FGFR2: variants seen among roughly 807,000 people sequenced by gnomAD.
The protein encoded by FGFR2 is fibroblast growth factor receptor 2.
Under a neutral mutation model 95.9 loss-of-function variants are expected in FGFR2, and 19 were observed. The ratio of observed to expected loss-of-function variants is 0.20; its 90% CI spans 0.14 to 0.29. The LOEUF (loss-of-function observed/expected upper bound fraction) is 0.29, where lower values mean the gene tolerates loss of function less well. Among genes scored for constraint, FGFR2 ranks in the 10% least tolerant of loss-of-function variants. FGFR2 has a pLI of 1.00. For synonymous variants in FGFR2, 392 were observed against 393.3 expected, an observed-to-expected ratio of 1.00 and a Z score of 0.04; for missense variants, 707 against 1,056.9, an observed-to-expected ratio of 0.67 and a Z score of 4.59.
chr10:121,521,332 A>C (rs756164308), intron 6 of FGFR2, among the ~76,000 whole-genome samples: 2 of 152,214 alleles, frequency 1.3e-5, no homozygotes, highest in Non-Finnish European at 2.9e-5. Context: ...TTCTCAACAA[A>C]GAATACACCC....
rs369850306 is a variant in FGFR2 at position 121,496,649 on chromosome 10, G to T, written c.1746C>A (p.Pro582=). 2 of 1,612,314 alleles carry T rather than the reference G, an allele frequency of 1.2e-6. No individual in the cohort carries two copies. Among genetic ancestry groups the T allele is most frequent in the South Asian group, 1.1e-5 (1 of 90,982 alleles). ...TAATGTCATAGGAGTACTCCATCCC[G>T]GGTGGCCTCCGGGCTCGGAGGTATT... is the stretch of plus-strand genomic sequence containing the variant. ...LREYLRARRP[P]GMEYSYDINR... Residue 582 remains proline (P), a synonymous_variant, in exon 13 of 18, where the codon CCC becomes CCA. Transcript: ENST00000358487.
chr10:121,567,183 A>C (rs545616624), intron 2 of FGFR2, among the ~76,000 whole-genome samples: 2 of 152,162 alleles, frequency 1.3e-5, no homozygotes, highest in Admixed American at 6.5e-5. Context: ...TTTCAGTCCC[A>C]CTGTGAAAGG....
At chr10:121,511,097 A>G (rs1438460260) in intron 9 of FGFR2, among the ~76,000 whole-genome samples, 2 of 151,860 alleles carry the variant, frequency 1.3e-5, no homozygotes, top group African/African-American at 4.8e-5. Context: ...GAGCCACGGC[A>G]CCCAGTCTGC....
intron 2 of FGFR2, among the ~76,000 whole-genome samples, chr10:121,566,498 C>T (rs1025333186): frequency 6.6e-6 from 1 of 152,178 alleles, no homozygotes; most frequent in Non-Finnish European, 1.5e-5. Flanking sequence ...CCACCCTGCT[C>T]ACCAACACCC....
At chr10:121,559,220 A>C (rs1856615247) in intron 4 of FGFR2, among the ~76,000 whole-genome samples, 1 of 152,004 alleles carries the variant, frequency 6.6e-6, no homozygotes, top group African/African-American at 2.4e-5. Flanking sequence ...ATACAAACAC[A>C]CCCCAGTGGC....
At chr10:121,555,814 G>C (rs549522579) in intron 4 of FGFR2, among the ~76,000 whole-genome samples, 2 of 152,262 alleles carry the variant, frequency 1.3e-5, no homozygotes, top group South Asian at 4.2e-4. Flanking sequence ...ATATTAAGTA[G>C]AATTTTACTT....
At chr10:121,526,853 G>A (rs900497960) in intron 6 of FGFR2, 3 of 398,042 alleles carry the variant, frequency 7.5e-6, no homozygotes, top group South Asian at 1.3e-4. Context: ...CCAGGTGTCC[G>A]CATCTTCTGT....
chr10:121,488,200 G>A (rs1410515505), intron 13 of FGFR2, 87 bp from the exon 14 acceptor site: 2 of 1,564,400 alleles, frequency 1.3e-6, no homozygotes, highest in Non-Finnish European at 1.7e-6. Context: ...TTAAAATGCA[G>A]ATAGAAAATA....
At chr10:121,565,728 G>C (rs903768229) in intron 2 of FGFR2, 24 bp from the exon 3 acceptor site, 74 of 1,613,996 alleles carry the variant, frequency 4.6e-5, no homozygotes, top group Non-Finnish European at 6.3e-5. Context: ...GGAGAGAGAA[G>C]ACGGAGACAG....
chr10:121,524,101 T>TACACACACACACACAC (rs61527395), intron 6 of FGFR2, among the ~76,000 whole-genome samples: 3 of 89,206 alleles, frequency 3.4e-5, no homozygotes, highest in Admixed American at 1.1e-4. Context: ...CGGCTATGTA[T>TACACACACACACACAC]ACACACACAC....
At chr10:121,552,160 GA>G (rs1855508472) in intron 4 of FGFR2, among the ~76,000 whole-genome samples, 1 of 152,094 alleles carries the variant, frequency 6.6e-6, no homozygotes, top group African/African-American at 2.4e-5. Context: ...CCAATTAAAT[GA>G]TATGTTAAAG....
At chr10:121,501,300 A>G (rs1847573825) in intron 10 of FGFR2, among the ~76,000 whole-genome samples, 1 of 152,230 alleles carries the variant, frequency 6.6e-6, no homozygotes, top group Admixed American at 6.5e-5. Flanking sequence ...TCAAAGAAAA[A>G]ACGTTAAGAC....
chr10:121,509,047 C>CA (rs1564898341), intron 9 of FGFR2, among the ~76,000 whole-genome samples: 1 of 152,254 alleles, frequency 6.6e-6, no homozygotes, highest in African/African-American at 2.4e-5. Flanking sequence ...TCCCACTGCT[C>CA]ATCTCTGAAA....
At chr10:121,550,274 T>C (rs1033097774) in intron 5 of FGFR2, among the ~76,000 whole-genome samples, 1 of 152,128 alleles carries the variant, frequency 6.6e-6, no homozygotes, top group Non-Finnish European at 1.5e-5. Context: ...ATTGCCAGAG[T>C]TCTCCTCTGC....
At chr10:121,504,404 A>G (rs1848014482) in intron 9 of FGFR2, among the ~76,000 whole-genome samples, 1 of 152,188 alleles carries the variant, frequency 6.6e-6, no homozygotes, top group African/African-American at 2.4e-5. Flanking sequence ...TGGCTCTACC[A>G]TATTTCCTCT....
In FGFR2 at chr10:121,496,687, C is replaced by G. The variant is rs1846863800; in HGVS notation, c.1708G>C (p.Gly570Arg). The G allele has an allele frequency of 6.2e-7, 1 of 1,611,908 alleles. No individual in the cohort carries two copies. The highest frequency in any genetic ancestry group is 8.5e-7 in the Non-Finnish European group (1 of 1,179,968). Residue 570 changes from glycine to arginine, a missense_variant, in exon 13 of 18, where the codon GGC becomes CGC. Gly to Arg is a moderately radical substitution (Grantham distance 125, BLOSUM62 -2). This residue lies in a region of FGFR2 where 4 missense variants were observed against 18.9 expected (regional missense o/e 0.21). Coordinates refer to ENST00000358487, the MANE Select transcript of FGFR2 (RefSeq NM_000141.5). Reference protein sequence around the residue: ...LYVIVEYASKGNLREYLRARR... With the variant: ...LYVIVEYASKRNLREYLRARR... The stretch of plus-strand genomic sequence containing the variant: ...GCTCGGAGGTATTCTCGGAGGTTGC[C>G]TTTAGAGGCATACTCAACTATGACA...
chr10:121,546,594 A>C (rs539853768), intron 5 of FGFR2, among the ~76,000 whole-genome samples: 2 of 152,370 alleles, frequency 1.3e-5, no homozygotes, highest in South Asian at 4.1e-4. Context: ...GGTCATTTGA[A>C]TGAAAATGAG....
Position 121,531,934 on chromosome 10 carries a change from G to A in FGFR2, c.748+6658C>T, listed in dbSNP as rs1461990007. On this transcript the variant is annotated intron_variant, in intron 6 of 17. Transcript: ENST00000358487. This position sits in a 1 kb window ranked among gnomAD's most constrained non-coding sequence, Gnocchi z 4.5. Reference sequence around the variant, plus strand: ...CAACTCCGCTCCGGTTCCGTGATCTGTCAACTAAATAAGCCCACTTAGAAA... The same window carrying A: ...CAACTCCGCTCCGGTTCCGTGATCTATCAACTAAATAAGCCCACTTAGAAA... 6.6e-6 allele frequency among the ~76,000 whole-genome samples: 1 copy of A among 152,184 alleles called. No homozygotes were observed. Among genetic ancestry groups the A allele is most frequent in the Non-Finnish European group, 1.5e-5 (1 of 68,030 alleles).
chr10:121,504,043 G>A, intron 9 of FGFR2, 102 bp from the exon 10 acceptor site: 1 of 1,418,756 alleles, frequency 7.0e-7, no homozygotes, highest in South Asian at 1.2e-5. Flanking sequence ...AGAAAGGAAT[G>A]GGTTGGGGGC....
Sources: gnomAD v4.1 joint callset for allele counts (sites outside exome capture counted in the v4.1 genomes callset) on GRCh38, gnomAD v4.1.1 for gene constraint, gnomAD v4.1.1 regional missense constraint, Gnocchi (gnomAD v3.1) non-coding constraint, MANE v1.5 for transcripts, NCBI Gene and HGNC (gene_info 2026-07-23, HGNC 2026-07-21) for gene names.